Variants in CCDC102B observed in about 807,000 individuals in gnomAD.
CCDC102B encodes the protein coiled-coil domain containing 102B, also known as coiled-coil domain-containing protein 102B.
A neutral mutation model predicts 57.4 loss-of-function variants in CCDC102B; 75 were observed. The ratio of observed to expected loss-of-function variants is 1.31; its 90% CI spans 1.08 to 1.58. The LOEUF (loss-of-function observed/expected upper bound fraction) is 1.58. CCDC102B is among the 40% of genes most tolerant of loss of function. The pLI is 0.00. For synonymous variants in CCDC102B, 206 were observed against 201.9 expected, an observed-to-expected ratio of 1.02 and a Z score of -0.17; for missense variants, 636 against 582.6, an observed-to-expected ratio of 1.09 and a Z score of -0.94.
intron 1 of CCDC102B, among the ~76,000 whole-genome samples, chr18:68,716,281 C>A (rs1391598881): frequency 7.8e-6 from 1 of 128,672 alleles, no homozygotes; most frequent in South Asian, 2.6e-4. Context: ...CTGAATGACC[C>A]ATATTCAATT....
At chr18:68,956,525 ATATAT>A (rs2049890284) in intron 6 of CCDC102B, among the ~76,000 whole-genome samples, 9 of 12,740 alleles carry the variant, frequency 7.1e-4, no homozygotes, top group African/African-American at 3.9e-3. Context: ...CGCATATTAT[ATATAT>A]TATATATTTT....
rs114072911 is a variant in CCDC102B at position 68,922,420 on chromosome 18, A to G, written c.1263+24992A>G. ...TGATTTGTTTAGGCCTCAAGAACAG[A>G]ATCACCACATATTTGCAGATTCAAT... On this transcript the variant is annotated intron_variant, in intron 6 of 7. Coordinates refer to ENST00000360242, the MANE Select transcript of CCDC102B (RefSeq NM_024781.3). Among the ~76,000 whole-genome samples, 238 of 152,274 alleles carry G rather than the reference A, an allele frequency of 1.6e-3. 1 individual carries two copies. The highest frequency in any genetic ancestry group is 5.6e-3 in the African/African-American group (231 of 41,566).
In CCDC102B at chr18:68,959,487, C is replaced by T. The variant is rs561147315; in HGVS notation, c.1264-51447C>T. 3.9e-5 allele frequency among the ~76,000 whole-genome samples: 6 copies of T among 152,112 alleles called. No homozygotes were observed. The East Asian group carries it at 7.8e-4, about 20-fold the overall frequency. On this transcript the variant is annotated intron_variant, in intron 6 of 7. Transcript: ENST00000360242. ...ACTGCACTGAATCTTGTCCAAGGCCCGCAGTGACCACCGCCTGGTTATTGC... is the reference window on the plus strand; with the variant it reads ...ACTGCACTGAATCTTGTCCAAGGCCTGCAGTGACCACCGCCTGGTTATTGC...
intron 2 of CCDC102B, among the ~76,000 whole-genome samples, chr18:68,768,446 G>T (rs978611248): frequency 3.3e-5 from 5 of 152,072 alleles, no homozygotes; most frequent in Non-Finnish European, 7.4e-5. Flanking sequence ...ATTATTCTTT[G>T]TCTTCTTCCA....
At chr18:68,743,431 C>A (rs749578866) in intron 2 of CCDC102B, among the ~76,000 whole-genome samples, 12 of 151,922 alleles carry the variant, frequency 7.9e-5, no homozygotes, top group Non-Finnish European at 1.6e-4. Flanking sequence ...AACCAACCAA[C>A]CAAACCATAA....
intron 6 of CCDC102B, among the ~76,000 whole-genome samples, chr18:68,944,336 C>T (rs1371520324): frequency 6.6e-6 from 1 of 152,094 alleles, no homozygotes; most frequent in Non-Finnish European, 1.5e-5. Context: ...TGTCATAGCA[C>T]ATTTAAGCTT....
At chr18:68,968,474 A>G (rs2050216641) in intron 6 of CCDC102B, among the ~76,000 whole-genome samples, 1 of 152,188 alleles carries the variant, frequency 6.6e-6, no homozygotes, top group African/African-American at 2.4e-5. Flanking sequence ...TTTTAAGTCT[A>G]AATTTATAGT....
chr18:68,770,301 G>C (rs1243108048), intron 2 of CCDC102B, among the ~76,000 whole-genome samples: 1 of 152,202 alleles, frequency 6.6e-6, no homozygotes, highest in Non-Finnish European at 1.5e-5. Context: ...ATTCCACATA[G>C]TATCAGTCAG....
intron 7 of CCDC102B, among the ~76,000 whole-genome samples, chr18:69,047,711 T>C (rs1473060631): frequency 6.6e-6 from 1 of 152,110 alleles, no homozygotes; most frequent in Non-Finnish European, 1.5e-5. Context: ...ACAAAATCAA[T>C]GTACGGTAAT....
chr18:68,863,424 C>T (rs1437168611), intron 4 of CCDC102B, among the ~76,000 whole-genome samples: 2 of 151,898 alleles, frequency 1.3e-5, no homozygotes, highest in African/African-American at 2.4e-5. Context: ...TTAGGAAGCA[C>T]ATGATATATG....
intron 2 of CCDC102B, among the ~76,000 whole-genome samples, chr18:68,787,959 G>T (rs964850909): frequency 3.3e-5 from 5 of 150,282 alleles, no homozygotes; most frequent in East Asian, 2.0e-4. Context: ...TTCTCTTGTG[G>T]GCATTTAGTG....
intron 6 of CCDC102B, among the ~76,000 whole-genome samples, chr18:68,938,702 A>C (rs1271325056): frequency 5.9e-5 from 9 of 151,416 alleles, no homozygotes; most frequent in Admixed American, 2.0e-4. Context: ...CTTTGTTATA[A>C]ATTTAAATAT....
At chr18:68,748,217 T>TAC (rs2033703864) in intron 2 of CCDC102B, among the ~76,000 whole-genome samples, 1 of 135,274 alleles carries the variant, frequency 7.4e-6, no homozygotes, top group African/African-American at 3.1e-5. Context: ...TGTGTGTGTG[T>TAC]GTGTGTGTGT....
At chr18:68,790,188 C>A (rs1170671826) in intron 2 of CCDC102B, among the ~76,000 whole-genome samples, 6 of 151,250 alleles carry the variant, frequency 4.0e-5, no homozygotes, top group African/African-American at 1.5e-4. Flanking sequence ...TCTGCCCATT[C>A]TCAGATCTCC....
chr18:68,736,413 A>G (rs758709469), intron 2 of CCDC102B, among the ~76,000 whole-genome samples: 1 of 152,230 alleles, frequency 6.6e-6, no homozygotes, highest in Non-Finnish European at 1.5e-5. Context: ...AGTATGAGCT[A>G]ACGTAAGAGC....
chr18:68,836,127 G>C (rs1399516307), intron 1 of CCDC102B, among the ~76,000 whole-genome samples: 1 of 152,144 alleles, frequency 6.6e-6, no homozygotes. Flanking sequence ...TTTGTATTTC[G>C]TAGTGGACAA....
At chr18:68,757,590 A>C (rs993760447) in intron 2 of CCDC102B, among the ~76,000 whole-genome samples, 1 of 152,172 alleles carries the variant, frequency 6.6e-6, no homozygotes, top group South Asian at 2.1e-4. Context: ...TTATTGCTTT[A>C]TATTAATTGT....
At chr18:68,782,337 T>A (rs2035032992) in intron 2 of CCDC102B, among the ~76,000 whole-genome samples, 1 of 151,822 alleles carries the variant, frequency 6.6e-6, no homozygotes, top group African/African-American at 2.4e-5. Context: ...AAAATCACCT[T>A]TCAAATATAT....
intron 7 of CCDC102B, chr18:69,011,311 C>T (rs560692577): frequency 3.7e-6 from 2 of 539,444 alleles, no homozygotes; most frequent in Admixed American, 6.6e-5. Flanking sequence ...ATATGTTTTA[C>T]GAGTGCTCTA....
Sources: allele counts gnomAD v4.1 joint callset (sites outside exome capture counted in the v4.1 genomes callset), GRCh38; gene constraint gnomAD v4.1.1; transcripts MANE v1.5; gene names NCBI Gene and HGNC (gene_info 2026-07-23, HGNC 2026-07-21).